The following SCHIP1 variants were observed in gnomAD, a reference collection of about 807,000 sequenced individuals.
SCHIP1 encodes schwannomin-interacting protein 1.
SCHIP1 carries 8 observed loss-of-function variants against 29.7 expected under a neutral mutation model. That is an observed-to-expected ratio of 0.27 (90% CI 0.16 to 0.49). The LOEUF is 0.49. Among genes scored for constraint, SCHIP1 ranks in the 20% least tolerant of loss-of-function variants. SCHIP1 has a pLI of 0.99. For missense variants in SCHIP1, 193 were observed against 294.6 expected, an observed-to-expected ratio of 0.66 and a Z score of 2.52; for synonymous variants, 76 against 94.9, an observed-to-expected ratio of 0.80 and a Z score of 1.16.
At chr3:159,546,908 A>G in the SCHIP1 span, among the ~76,000 whole-genome samples, 1 of 152,120 alleles carries the variant, frequency 6.6e-6, no homozygotes, top group Non-Finnish European at 1.5e-5. Context: ...TTATAGTAAA[A>G]CAATTTATAA....
the SCHIP1 span, among the ~76,000 whole-genome samples, chr3:159,628,420 G>C: frequency 6.6e-6 from 1 of 152,092 alleles, no homozygotes; most frequent in Admixed American, 6.6e-5. Flanking sequence ...CCAAGAACTA[G>C]GACCAAGAGA....
chr3:159,811,838 A>T, the SCHIP1 span, among the ~76,000 whole-genome samples: 12 of 152,172 alleles, frequency 7.9e-5, no homozygotes, highest in African/African-American at 2.7e-4. Context: ...TGGAATTTTT[A>T]TAGGAATTAT....
the SCHIP1 span, among the ~76,000 whole-genome samples, chr3:159,471,728 G>T: frequency 6.6e-6 from 1 of 152,002 alleles, no homozygotes; most frequent in African/African-American, 2.4e-5. Context: ...TACTAATTGG[G>T]CAAAGGACTT....
the SCHIP1 span, among the ~76,000 whole-genome samples, chr3:159,569,358 C>T: frequency 3.9e-5 from 6 of 152,114 alleles, no homozygotes; most frequent in African/African-American, 1.2e-4. Context: ...TGATGTTCCC[C>T]GCCCTGTGTT....
chr3:159,824,577 A>G, the SCHIP1 span, among the ~76,000 whole-genome samples: 1 of 152,172 alleles, frequency 6.6e-6, no homozygotes, highest in Non-Finnish European at 1.5e-5. Context: ...CCAGACCTGT[A>G]CTCTATGTAC....
At chr3:159,553,353 T>G in the SCHIP1 span, among the ~76,000 whole-genome samples, 1 of 152,164 alleles carries the variant, frequency 6.6e-6, no homozygotes, top group South Asian at 2.1e-4. Flanking sequence ...ATTTCAATTT[T>G]TCAAGCAAAG....
chr3:159,665,859 T>C, the SCHIP1 span, among the ~76,000 whole-genome samples: 1 of 152,154 alleles, frequency 6.6e-6, no homozygotes, highest in African/African-American at 2.4e-5. Context: ...GTCCTCAAAA[T>C]AAAGTCAGAA....
the SCHIP1 span, among the ~76,000 whole-genome samples, chr3:159,512,237 G>A: frequency 6.6e-6 from 1 of 152,172 alleles, no homozygotes; most frequent in Non-Finnish European, 1.5e-5. Flanking sequence ...TAGAAAATAA[G>A]CATTTTAAAA....
chr3:159,477,690 T>G, the SCHIP1 span, among the ~76,000 whole-genome samples: 1 of 152,174 alleles, frequency 6.6e-6, no homozygotes, highest in African/African-American at 2.4e-5. Context: ...CCTTATCAAA[T>G]GTATGGTTTG....
chr3:159,629,236 G>A, the SCHIP1 span, among the ~76,000 whole-genome samples: 1 of 151,770 alleles, frequency 6.6e-6, no homozygotes, highest in Non-Finnish European at 1.5e-5. Context: ...CTGTGATCAA[G>A]CCACTGCACT....
At chr3:159,428,298 T>C in the SCHIP1 span, among the ~76,000 whole-genome samples, 4 of 152,040 alleles carry the variant, frequency 2.6e-5, no homozygotes, top group African/African-American at 9.7e-5. Flanking sequence ...CCTACTCATC[T>C]GACAAAGGGC....
the SCHIP1 span, among the ~76,000 whole-genome samples, chr3:159,343,920 T>C: frequency 2.0e-5 from 3 of 152,030 alleles, no homozygotes; most frequent in African/African-American, 7.3e-5. Flanking sequence ...TGAATGTTGA[T>C]AGTAATTTTT....
intron 2 of SCHIP1, among the ~76,000 whole-genome samples, chr3:159,874,909 A>T (rs1275620305): frequency 6.6e-6 from 1 of 151,432 alleles, no homozygotes; most frequent in Admixed American, 6.6e-5. Context: ...TATACTAAAG[A>T]TTTGCTTTAA....
chr3:159,694,608 G>GAAA, the SCHIP1 span, among the ~76,000 whole-genome samples: 34 of 141,476 alleles, frequency 2.4e-4, 1 homozygote, highest in African/African-American at 8.9e-4. Context: ...AAGAAAGAAA[G>GAAA]GAATTATGAC....
chr3:159,654,415 T>C, the SCHIP1 span, among the ~76,000 whole-genome samples: 8 of 152,208 alleles, frequency 5.3e-5, no homozygotes, highest in Non-Finnish European at 1.2e-4. Context: ...TTTCTGCACC[T>C]ATAAAATTAT....
At chr3:159,275,655 T>C in the SCHIP1 span, among the ~76,000 whole-genome samples, 1 of 152,168 alleles carries the variant, frequency 6.6e-6, no homozygotes, top group African/African-American at 2.4e-5. Flanking sequence ...TTTCTGTAGT[T>C]GAGATATTGT....
At chr3:159,793,817 C>T in the SCHIP1 span, among the ~76,000 whole-genome samples, 3 of 152,202 alleles carry the variant, frequency 2.0e-5, no homozygotes, top group Admixed American at 6.5e-5. Flanking sequence ...CTCAGTATCT[C>T]AAAGTTCTGG....
chr3:159,635,147 C>T, the SCHIP1 span, among the ~76,000 whole-genome samples: 1 of 152,190 alleles, frequency 6.6e-6, no homozygotes, highest in Non-Finnish European at 1.5e-5. Context: ...TGAAATCCAT[C>T]TGGAGGCTGT....
At chr3:159,573,280 T>C in the SCHIP1 span, among the ~76,000 whole-genome samples, 7,994 of 152,274 alleles carry the variant, frequency 0.052, 567 homozygotes, top group African/African-American at 0.16. Flanking sequence ...TAGTGCTTCC[T>C]TCAAGGAGCT....
Sources: gnomAD v4.1 joint callset for allele counts (sites outside exome capture counted in the v4.1 genomes callset) on GRCh38, gnomAD v4.1.1 for gene constraint, MANE v1.5 for transcripts, NCBI Gene and HGNC (gene_info 2026-07-23, HGNC 2026-07-21) for gene names.